The following OR2G3 variants were observed in gnomAD, a reference collection of about 807,000 sequenced individuals.
OR2G3 encodes olfactory receptor 2G3.
For synonymous variants in OR2G3, 154 were observed against 144.5 expected (o/e 1.07, Z -0.47); for missense variants, 375 against 364.4 (o/e 1.03, Z -0.24).
chr1:247,606,144 T>A lies in OR2G3; in HGVS notation c.559T>A (p.Leu187Met), dbSNP rs770402061. Reference sequence around the variant, plus strand: ...TTGCGAAGTACCAGCTCTTCTCAAGTTGGCTTGTGTGGACACCACTGTCAA... The same window carrying A: ...TTGCGAAGTACCAGCTCTTCTCAAGATGGCTTGTGTGGACACCACTGTCAA... Reference protein sequence around the residue: ...FICEVPALLKLACVDTTVNEL... With the variant: ...FICEVPALLKMACVDTTVNEL... The change falls in exon 1 of 1, where the codon TTG becomes ATG. Residue 187 changes from leucine (L) to methionine (M), a missense_variant. Transcript: ENST00000320002. The A allele has an allele frequency of 6.2e-7, 1 of 1,614,222 alleles. No individual in the cohort carries two copies. Among genetic ancestry groups the A allele is most frequent in the South Asian group, 1.1e-5 (1 of 91,076 alleles).
chr1:247,605,867 C>T lies in OR2G3; in HGVS notation c.282C>T (p.Tyr94=), dbSNP rs373915603. 1.1e-4 allele frequency: 175 copies of T among 1,614,196 alleles called. No individual in the cohort carries two copies. The Admixed American group carries it at 1.4e-3, about 13-fold the overall frequency. Residue 94 remains tyrosine, a synonymous_variant, in exon 1 of 1, where the codon TAC becomes TAT. Coordinates refer to ENST00000320002, the MANE Select transcript of OR2G3 (RefSeq NM_001001914.1). ...AAAGACCAAAGAAGACGATCACTTACGGTGGTTGTGTGGCGCAACTCTATA... is the reference window on the plus strand; with the variant it reads ...AAAGACCAAAGAAGACGATCACTTATGGTGGTTGTGTGGCGCAACTCTATA... ...NLQRPKKTIT[Y]GGCVAQLYIS...
In OR2G3 at chr1:247,606,299, C is replaced by T. The variant is rs1558275382; in HGVS notation, c.714C>T (p.Phe238=). 6.2e-7 allele frequency: 1 copy of T among 1,614,034 alleles called. No homozygotes were observed. Among genetic ancestry groups the T allele is most frequent in the African/African-American group, 1.3e-5 (1 of 74,936 alleles). ...CAGTAGAGGCAAGGCACAAAGCCTT[C>T]AGCACCTGCTCCTCCCACCTTACAG... ...IKSVEARHKA[F]STCSSHLTVV... The change falls in exon 1 of 1, where the codon TTC becomes TTT. Residue 238 remains phenylalanine (F), a synonymous_variant. Coordinates refer to ENST00000320002, the MANE Select transcript of OR2G3 (RefSeq NM_001001914.1).
In OR2G3 at chr1:247,606,484, C is replaced by A. The variant is rs61737569; in HGVS notation, c.899C>A (p.Ala300Asp). The A allele has an allele frequency of 2.0e-3, 3,280 of 1,604,936 alleles. 46 individuals are homozygous for A. The African/African-American group carries it at 0.031, about 15-fold the overall frequency. ...YTLRNKDMKE[A>D]LRKLLSGKL ...TTAAGGAACAAGGATATGAAAGAGGCTCTGAGGAAACTTCTCTCGGGAAAA... is the reference window on the plus strand; with the variant it reads ...TTAAGGAACAAGGATATGAAAGAGGATCTGAGGAAACTTCTCTCGGGAAAA... The change falls in exon 1 of 1, where the codon GCT becomes GAT. Residue 300 changes from alanine (A) to aspartate (D), a missense_variant. Coordinates refer to ENST00000320002, the MANE Select transcript of OR2G3 (RefSeq NM_001001914.1).
At position 247,605,743 on chromosome 1, in the gene OR2G3, C is replaced by T. The variant is rs1246064262; in HGVS notation, c.158C>T (p.Pro53Leu). The T allele has an allele frequency of 3.1e-6, 5 of 1,613,828 alleles. No homozygotes were observed. The highest frequency in any genetic ancestry group is 2.2e-5 in the East Asian group (1 of 44,878). ...FTIIIISYLD[P>L]PLHTPMYFFL... is the part of the protein sequence containing the mutation. ...ATAATCATCATCTCATATCTGGATCCCCCTCTTCATACCCCAATGTACTTT... is the reference window on the plus strand; with the variant it reads ...ATAATCATCATCTCATATCTGGATCTCCCTCTTCATACCCCAATGTACTTT... The change falls in exon 1 of 1, where the codon CCC becomes CTC. Residue 53 changes from proline to leucine, a missense_variant. Coordinates refer to ENST00000320002, the MANE Select transcript of OR2G3 (RefSeq NM_001001914.1).
chr1:247,605,911 C>T lies in OR2G3; in HGVS notation c.326C>T (p.Ser109Phe), dbSNP rs1222799324. The change falls in exon 1 of 1, where the codon TCC (serine) becomes TTC (phenylalanine). Residue 109 changes from serine to phenylalanine, a missense_variant. Ser to Phe is a radical substitution (Grantham distance 155, BLOSUM62 -2). Coordinates refer to ENST00000320002, the MANE Select transcript of OR2G3 (RefSeq NM_001001914.1). ...CTCTATATTTCTCTGGCACTGGGCT[C>T]CACTGAATGTATCCTCTTGGCTGAC... ...AQLYISLALG[S>F]TECILLADMA... The T allele has an allele frequency of 3.7e-6, 6 of 1,614,040 alleles. No individual in the cohort carries two copies. Among genetic ancestry groups the T allele is most frequent in the Non-Finnish European group, 5.1e-6 (6 of 1,180,018 alleles).
rs1669382532 is a variant in OR2G3 at position 247,605,935 on chromosome 1, A to C, written c.350A>C (p.Asp117Ala). 6.2e-7 allele frequency: 1 copy of C among 1,614,016 alleles called. No individual in the cohort carries two copies. Reference protein sequence around the residue: ...LGSTECILLADMALDRYIAVC... With the variant: ...LGSTECILLAAMALDRYIAVC... ...TCCACTGAATGTATCCTCTTGGCTG[A>C]CATGGCCTTGGATCGGTACATTGCT... The change falls in exon 1 of 1, where the codon GAC becomes GCC. Residue 117 changes from aspartate to alanine, a missense_variant. Physicochemically the swap from Asp to Ala is moderately radical, Grantham distance 126 (BLOSUM62 -2). Coordinates refer to ENST00000320002, the MANE Select transcript of OR2G3 (RefSeq NM_001001914.1).
chr1:247,606,159 A>G lies in OR2G3; in HGVS notation c.574A>G (p.Thr192Ala). Reference sequence around the variant, plus strand: ...TCTTCTCAAGTTGGCTTGTGTGGACACCACTGTCAATGAATTGGTGCTTTT... The same window carrying G: ...TCTTCTCAAGTTGGCTTGTGTGGACGCCACTGTCAATGAATTGGTGCTTTT... ...PALLKLACVD[T>A]TVNELVLFVV... Residue 192 changes from threonine to alanine, a missense_variant, in exon 1 of 1, where the codon ACC (threonine) becomes GCC (alanine). Transcript: ENST00000320002. 6.2e-7 allele frequency: 1 copy of G among 1,614,146 alleles called. No individual in the cohort carries two copies. Among genetic ancestry groups the G allele is most frequent in the Non-Finnish European group, 8.5e-7 (1 of 1,180,018 alleles).
Position 247,605,736 on chromosome 1 carries a change from C to G in OR2G3, c.151C>G (p.Leu51Val). 6.2e-7 allele frequency: 1 copy of G among 1,614,086 alleles called. No individual in the cohort carries two copies. The highest frequency in any genetic ancestry group is 8.5e-7 in the Non-Finnish European group (1 of 1,179,956). ...GNFTIIIISY[L>V]DPPLHTPMYF... ...CTTCACCATAATCATCATCTCATAT[C>G]TGGATCCCCCTCTTCATACCCCAAT... Residue 51 changes from leucine to valine, a missense_variant, in exon 1 of 1, where the codon CTG becomes GTG. Coordinates refer to ENST00000320002, the MANE Select transcript of OR2G3 (RefSeq NM_001001914.1).
Sources: allele counts gnomAD v4.1 joint callset, GRCh38; gene constraint gnomAD v4.1.1; transcripts MANE v1.5; gene names NCBI Gene and HGNC (gene_info 2026-07-23, HGNC 2026-07-21).